Variants in ADSL observed in about 807,000 individuals in gnomAD.
The protein encoded by ADSL is adenylosuccinase.
Under a neutral mutation model 62.1 loss-of-function variants are expected in ADSL, and 44 were observed. That is an observed-to-expected ratio of 0.71 (90% CI 0.56 to 0.91). The LOEUF (loss-of-function observed/expected upper bound fraction) is 0.91, where lower values mean the gene tolerates loss of function less well. ADSL is among the 40% of genes least tolerant of loss of function. The pLI, the probability that ADSL is intolerant of heterozygous loss-of-function variation, is 0.00. For synonymous variants in ADSL, 198 were observed against 220.5 expected, an observed-to-expected ratio of 0.90 and a Z score of 0.90; for missense variants, 531 against 627.4, an observed-to-expected ratio of 0.85 and a Z score of 1.64.
At chr22:40,374,605 C>T (rs2046236403) in intron 2 of ADSL, among the ~76,000 whole-genome samples, 1 of 152,182 alleles carries the variant, frequency 6.6e-6, no homozygotes, top group Non-Finnish European at 1.5e-5. Flanking sequence ...GAATGGGGCC[C>T]AGTACGGCGG....
rs1444125229 is a variant in ADSL, at chr22:40,366,466, C to A, written c.1399C>A (p.Pro467Thr). 6.2e-7 allele frequency: 1 copy of A among 1,613,384 alleles called. No homozygotes were observed. Among genetic ancestry groups the A allele is most frequent in the Non-Finnish European group, 8.5e-7 (1 of 1,179,404 alleles). The change falls in exon 13 of 13, where the codon CCC becomes ACC. Residue 467 changes from proline to threonine, a missense_variant. Physicochemically the swap from Pro to Thr is conservative, Grantham distance 38. This residue lies in a region of ADSL where 471 missense variants were observed against 592.9 expected (regional missense o/e 0.79). Transcript: ENST00000623063. Reference sequence around the variant, plus strand: ...GAGATTCTTAGAAGAGGAGGTGTATCCCCTGTTAAAACCATATGAAAGCGT... The same window carrying A: ...GAGATTCTTAGAAGAGGAGGTGTATACCCTGTTAAAACCATATGAAAGCGT... ...VQRFLEEEVY[P>T]LLKPYESVMK...
At chr22:40,387,476 C>A (rs1026833338) in intron 2 of ADSL, 1 of 335,298 alleles carries the variant, frequency 3.0e-6, no homozygotes, top group African/African-American at 2.1e-5. Flanking sequence ...TATTTATGAT[C>A]TCCTCTTAGG....
At chr22:40,355,796 G>A (rs2044530119) in intron 4 of ADSL, among the ~76,000 whole-genome samples, 1 of 152,160 alleles carries the variant, frequency 6.6e-6, no homozygotes, top group Non-Finnish European at 1.5e-5. Context: ...GCCTCCTATG[G>A]ACATTCCTAG....
At chr22:40,384,234 C>T (rs887110753) in intron 2 of ADSL, among the ~76,000 whole-genome samples, 3 of 151,950 alleles carry the variant, frequency 2.0e-5, no homozygotes, top group African/African-American at 7.3e-5. Context: ...CAGAACAAAA[C>T]CCTGTCTCTA....
Position 40,366,574 on chromosome 22 carries a change from TTG to T in ADSL, c.*56_*57del, listed in dbSNP as rs757016099. On this transcript the variant is annotated 3_prime_UTR_variant, in exon 13 of 13. Transcript: ENST00000623063. ...ATTGTTAATTGCTGAGGCATGAAAA[TTG>T]TGTTACTATAATGCCTTATTTTACC... The T allele has an allele frequency of 4.4e-6, 6 of 1,358,308 alleles. No individual in the cohort carries two copies. The highest frequency in any genetic ancestry group is 6.3e-6 in the Non-Finnish European group (6 of 948,052). 84.1% of individuals were successfully genotyped at this position (1,358,308 alleles called of 1,614,324 possible).
rs2044742402 is a variant in ADSL, at chr22:40,360,514, G to C, written c.792+22G>C. The C allele has an allele frequency of 2.5e-6, 4 of 1,582,696 alleles. No homozygotes were observed. In the Admixed American group the frequency reaches 6.7e-5, roughly 26 times the overall value. The stretch of plus-strand genomic sequence containing the variant: ...CAAGGTGAGTGGTGGCAGCATGTGG[G>C]GTGGGGACAGGAGCTTTGGGCACCA... On this transcript the variant is annotated intron_variant, in intron 7 of 12. Transcript: ENST00000623063.
chr22:40,352,954 G>T, intron 2 of ADSL, 119 bp from the exon 3 acceptor site: 1 of 761,360 alleles, frequency 1.3e-6, no homozygotes, highest in Non-Finnish European at 2.4e-6. Context: ...TTAGTGGGTT[G>T]GTAGTGGTGA....
chr22:40,361,786 A>AGTGTG, intron 9 of ADSL, 151 bp downstream of exon 9: 1 of 969,610 alleles, frequency 1.0e-6, no homozygotes, highest in Non-Finnish European at 1.6e-6. Context: ...TAAAAAGGAC[A>AGTGTG]GTGTGATAAG....
At position 40,366,580 on chromosome 22, in the gene ADSL, T is replaced by C. The variant is rs2045015636; in HGVS notation, c.*58T>C. ...AATTGCTGAGGCATGAAAATTGTGT[T>C]ACTATAATGCCTTATTTTACCTCGA... is the stretch of plus-strand genomic sequence containing the variant. On this transcript the variant is annotated 3_prime_UTR_variant, in exon 13 of 13. Coordinates refer to ENST00000623063, the MANE Select transcript of ADSL (RefSeq NM_000026.4). 1 of 1,261,902 alleles carries C rather than the reference T, an allele frequency of 7.9e-7. No individual in the cohort carries two copies. The highest frequency in any genetic ancestry group is 1.2e-6 in the Non-Finnish European group (1 of 860,852). 78.2% of individuals were successfully genotyped at this position (1,261,902 alleles called of 1,614,324 possible).
chr22:40,364,509 T>C (rs1372587926), intron 11 of ADSL, 144 bp downstream of exon 11: 4 of 784,204 alleles, frequency 5.1e-6, no homozygotes, highest in South Asian at 2.9e-5. Flanking sequence ...TAATCTGCCA[T>C]CTATGGAGGG....
chr22:40,366,621 A>G lies in ADSL; in HGVS notation c.*99A>G. ...TTTACCTCGAGAATTGTTACCTTAA[A>G]TTAGTACAGCACTTTCTTCTTCCCA... On this transcript the variant is annotated 3_prime_UTR_variant, in exon 13 of 13. Transcript: ENST00000623063. 1.2e-6 allele frequency: 1 copy of G among 854,992 alleles called. No homozygotes were observed. Among genetic ancestry groups the G allele is most frequent in the Non-Finnish European group, 2.0e-6 (1 of 510,976 alleles). 53.0% of individuals were successfully genotyped at this position (854,992 alleles called of 1,614,324 possible).
In ADSL at chr22:40,346,616, C is replaced by T; in HGVS notation, c.58C>T (p.Arg20Cys). The change falls in exon 1 of 13, where the codon CGC (arginine) becomes TGC (cysteine). Residue 20 changes from arginine to cysteine, a missense_variant. Transcript: ENST00000623063. ...PDSYRSPLASRYASPEMCFVF... is the reference protein window; with the variant it reads ...PDSYRSPLASCYASPEMCFVF... ...CAGCTACCGCTCACCTCTTGCCTCC[C>T]GCTATGCCAGCCCGGAGATGTGCTT... The T allele has an allele frequency of 6.2e-7, 1 of 1,609,916 alleles. No individual in the cohort carries two copies. The highest frequency in any genetic ancestry group is 8.5e-7 in the Non-Finnish European group (1 of 1,178,394).
chr22:40,382,600 G>A (rs2047746106), intron 2 of ADSL, among the ~76,000 whole-genome samples: 1 of 152,166 alleles, frequency 6.6e-6, no homozygotes, highest in Non-Finnish European at 1.5e-5. Flanking sequence ...AACCTCAGAA[G>A]CTACACAATA....
rs2044667301 is a variant in ADSL at position 40,358,959 on chromosome 22, T to C, written c.578T>C (p.Leu193Pro). The stretch of plus-strand genomic sequence containing the variant: ...AACTTGAAGCGTGTCCGAGATGACC[T>C]GCGCTTCCGGGGAGTAAAGGGTACC... ...LQNLKRVRDD[L>P]RFRGVKGTTG... The change falls in exon 5 of 13, where the codon CTG (leucine) becomes CCG (proline). Residue 193 changes from leucine to proline, a missense_variant. By Grantham distance (98) the Leu-to-Pro change is moderately conservative. Around this residue, in one of 2 missense-constraint regions of ADSL, gnomAD observed 471 missense variants for 592.9 expected, o/e 0.79. Coordinates refer to ENST00000623063, the MANE Select transcript of ADSL (RefSeq NM_000026.4). 1 of 1,614,198 alleles carries C rather than the reference T, an allele frequency of 6.2e-7. No individual in the cohort carries two copies. Among genetic ancestry groups the C allele is most frequent in the Non-Finnish European group, 8.5e-7 (1 of 1,180,028 alleles).
At chr22:40,351,533 C>T (rs1340972946) in intron 2 of ADSL, among the ~76,000 whole-genome samples, 1 of 152,040 alleles carries the variant, frequency 6.6e-6, no homozygotes, top group Non-Finnish European at 1.5e-5. Flanking sequence ...CCTTGAACTC[C>T]TGTGTTCAAA....
intron 7 of ADSL, 101 bp downstream of exon 7, chr22:40,360,593 A>T (rs1035449762): frequency 4.2e-5 from 34 of 815,954 alleles, no homozygotes; most frequent in Non-Finnish European, 6.8e-5. Context: ...CTCAAGCAAT[A>T]TTTTACATTA....
chr22:40,378,527 G>A (rs959096876), intron 2 of ADSL, among the ~76,000 whole-genome samples: 1 of 151,722 alleles, frequency 6.6e-6, no homozygotes, highest in Admixed American at 6.6e-5. Context: ...GTGGGAGTTC[G>A]AGACCAACCT....
At chr22:40,386,934 C>A (rs1335146581) in intron 2 of ADSL, among the ~76,000 whole-genome samples, 2 of 152,092 alleles carry the variant, frequency 1.3e-5, no homozygotes, top group Non-Finnish European at 2.9e-5. Context: ...TTTTCACACA[C>A]AAAAAATTTT....
chr22:40,362,314 C>G (rs897831575), intron 9 of ADSL, among the ~76,000 whole-genome samples: 19 of 152,210 alleles, frequency 1.2e-4, no homozygotes, highest in African/African-American at 4.6e-4. Context: ...TTTCTGGGAT[C>G]TGTGCATAAT....
Sources: gnomAD v4.1 joint callset for allele counts (sites outside exome capture counted in the v4.1 genomes callset) on GRCh38, gnomAD v4.1.1 for gene constraint, gnomAD v4.1.1 regional missense constraint, MANE v1.5 for transcripts, NCBI Gene and HGNC (gene_info 2026-07-23, HGNC 2026-07-21) for gene names.